The following YWHAE variants were observed in gnomAD, a reference collection of about 807,000 sequenced individuals.
YWHAE encodes 14-3-3 protein epsilon.
Under a neutral mutation model 30.1 loss-of-function variants are expected in YWHAE, and 4 were observed. The observed-to-expected ratio is 0.13, with a 90% CI of 0.07 to 0.30. The LOEUF (loss-of-function observed/expected upper bound fraction) is 0.30, where lower values mean the gene tolerates loss of function less well. Among genes scored for constraint, YWHAE ranks in the 10% least tolerant of loss-of-function variants. The pLI is 1.00. For synonymous variants in YWHAE, 118 were observed against 111.8 expected, an observed-to-expected ratio of 1.06 and a Z score of -0.35; for missense variants, 121 against 315.9, an observed-to-expected ratio of 0.38 and a Z score of 4.68.
intron 1 of YWHAE, among the ~76,000 whole-genome samples, chr17:1,383,750 G>C (rs138513003): frequency 1.3e-5 from 2 of 152,088 alleles, no homozygotes; most frequent in African/African-American, 4.8e-5. Flanking sequence ...ACAATCGTAA[G>C]TTGCTAGTAT....
chr17:1,364,477 C>T (rs1490475016), intron 2 of YWHAE, among the ~76,000 whole-genome samples: 1 of 152,136 alleles, frequency 6.6e-6, no homozygotes, highest in Non-Finnish European at 1.5e-5. Context: ...CCGCCCACCT[C>T]AGCCTCCCAA....
chr17:1,364,121 T>C (rs2072906339), intron 2 of YWHAE, among the ~76,000 whole-genome samples: 1 of 152,086 alleles, frequency 6.6e-6, no homozygotes, highest in African/African-American at 2.4e-5. Context: ...AGAAACATTT[T>C]ATATATGTAT....
At position 1,356,171 on chromosome 17, in the gene YWHAE, AAC is replaced by A. The variant is rs71148473; in HGVS notation, c.579-1826_579-1825del. On this transcript the variant is annotated intron_variant, in intron 4 of 5. Transcript: ENST00000264335. Reference sequence around the variant, plus strand: ...GCAACAGAGCAAGACTCCGTCTAAAAACACACACACACACACACACACACACA... The same window carrying A: ...GCAACAGAGCAAGACTCCGTCTAAAAACACACACACACACACACACACACA... 3.7e-3 allele frequency among the ~76,000 whole-genome samples: 535 copies of A among 143,084 alleles called. 2 individuals carry two copies. Among genetic ancestry groups the A allele is most frequent in the Middle Eastern group, 7.4e-3 (2 of 272 alleles). 93.9% of individuals were successfully genotyped at this position (143,084 alleles called of 152,430 possible).
At chr17:1,345,523 A>C in intron 5 of YWHAE, 24 bp from the exon 6 acceptor site, 1 of 1,611,570 alleles carries the variant, frequency 6.2e-7, no homozygotes, top group Non-Finnish European at 8.5e-7. Flanking sequence ...AAAAAAGTCA[A>C]TTATTTCGTA....
At chr17:1,345,725 C>T (rs940432654) in intron 5 of YWHAE, among the ~76,000 whole-genome samples, 9 of 152,246 alleles carry the variant, frequency 5.9e-5, no homozygotes, top group Non-Finnish European at 1.2e-4. Flanking sequence ...AAAACTGATG[C>T]GCAGTACAAC....
chr17:1,358,309 G>A (rs60192187), intron 4 of YWHAE, among the ~76,000 whole-genome samples: 1 of 151,972 alleles, frequency 6.6e-6, no homozygotes, highest in Admixed American at 6.6e-5. Flanking sequence ...GCGTGATCTT[G>A]GCTCACTGCA....
In YWHAE at chr17:1,400,187, C is replaced by G; in HGVS notation, c.-77G>C. 1.3e-6 allele frequency: 2 copies of G among 1,566,890 alleles called. No individual in the cohort carries two copies. The highest frequency in any genetic ancestry group is 2.2e-5 in the East Asian group (1 of 44,488). Reference sequence around the variant, plus strand: ...CTCCGACTCTCTCAGCCTCTCGCTCCGCGTCCGGGCAGCAAAAATGGCGGC... The same window carrying G: ...CTCCGACTCTCTCAGCCTCTCGCTCGGCGTCCGGGCAGCAAAAATGGCGGC... On this transcript the variant is annotated 5_prime_UTR_variant, in exon 1 of 6. Transcript: ENST00000264335.
chr17:1,396,400 G>C (rs2073472244), intron 1 of YWHAE, among the ~76,000 whole-genome samples: 1 of 152,110 alleles, frequency 6.6e-6, no homozygotes, highest in African/African-American at 2.4e-5. Context: ...ATAAAGCCTG[G>C]GAGACAGAGC....
At chr17:1,346,134 T>C (rs942946194) in intron 5 of YWHAE, among the ~76,000 whole-genome samples, 14 of 152,340 alleles carry the variant, frequency 9.2e-5, no homozygotes, top group African/African-American at 2.9e-4. Flanking sequence ...TTTGGACCAC[T>C]TCACTCATGC....
chr17:1,346,960 CAGCCTGGGT>C (rs1467960560), intron 5 of YWHAE, among the ~76,000 whole-genome samples: 1 of 145,906 alleles, frequency 6.9e-6, no homozygotes, highest in Non-Finnish European at 1.5e-5. Context: ...CACTACACTC[CAGCCTGGGT>C]AACAGAGTGA....
intron 1 of YWHAE, among the ~76,000 whole-genome samples, chr17:1,370,740 T>C (rs1450130791): frequency 6.6e-6 from 1 of 151,852 alleles, no homozygotes; most frequent in African/African-American, 2.4e-5. Context: ...TCACGCCTAG[T>C]AATCCCAGCA....
intron 2 of YWHAE, among the ~76,000 whole-genome samples, chr17:1,364,077 G>A (rs1480081456): frequency 6.6e-6 from 1 of 152,060 alleles, no homozygotes; most frequent in Non-Finnish European, 1.5e-5. Flanking sequence ...TACAGTGATG[G>A]CTGTCCAACT....
intron 2 of YWHAE, among the ~76,000 whole-genome samples, chr17:1,364,496 G>C (rs1371711556): frequency 1.3e-5 from 2 of 152,076 alleles, no homozygotes; most frequent in Non-Finnish European, 2.9e-5. Flanking sequence ...AAAGTGCTGG[G>C]ATTACAGGCC....
intron 1 of YWHAE, among the ~76,000 whole-genome samples, chr17:1,366,809 G>A (rs2072952248): frequency 6.6e-6 from 1 of 152,058 alleles, no homozygotes; most frequent in Non-Finnish European, 1.5e-5. Flanking sequence ...GGGCATGGTG[G>A]TGCACGCTTG....
chr17:1,369,393 C>G (rs2072995381), intron 1 of YWHAE, among the ~76,000 whole-genome samples: 1 of 152,152 alleles, frequency 6.6e-6, no homozygotes, highest in African/African-American at 2.4e-5. Flanking sequence ...AACCAGGAGG[C>G]TGAAGCAAGA....
At chr17:1,350,308 T>A (rs759767310) in intron 5 of YWHAE, among the ~76,000 whole-genome samples, 2 of 152,186 alleles carry the variant, frequency 1.3e-5, no homozygotes, top group Non-Finnish European at 2.9e-5. Flanking sequence ...CAACCAAGAA[T>A]AAGGATTATC....
intron 1 of YWHAE, among the ~76,000 whole-genome samples, chr17:1,398,447 T>C (rs1044723133): frequency 1.3e-5 from 2 of 152,204 alleles, no homozygotes; most frequent in African/African-American, 4.8e-5. Context: ...TTGTCTTATT[T>C]TCAAATCCCT....
At chr17:1,361,376 G>A (rs2072862815) in intron 3 of YWHAE, 78 bp from the exon 4 acceptor site, 1 of 1,217,884 alleles carries the variant, frequency 8.2e-7, no homozygotes, top group Non-Finnish European at 1.1e-6. Flanking sequence ...AGCTAAAATT[G>A]TTCTATATTA....
intron 1 of YWHAE, among the ~76,000 whole-genome samples, chr17:1,370,292 A>C (rs72818256): frequency 0.22 from 32,569 of 150,424 alleles, 4,485 homozygotes; most frequent in Non-Finnish European, 0.31. Flanking sequence ...ATGCCCAGTG[A>C]ATTTTTTTGT....
Sources: gnomAD v4.1 joint callset for allele counts (sites outside exome capture counted in the v4.1 genomes callset) on GRCh38, gnomAD v4.1.1 for gene constraint, MANE v1.5 for transcripts, NCBI Gene and HGNC (gene_info 2026-07-23, HGNC 2026-07-21) for gene names.